Variants in OSBPL1A observed in about 807,000 individuals in gnomAD.
OSBPL1A encodes the protein oxysterol binding protein like 1A.
OSBPL1A carries 80 observed loss-of-function variants against 137.1 expected under a neutral mutation model. The ratio of observed to expected loss-of-function variants is 0.58; its 90% confidence interval spans 0.49 to 0.70. The LOEUF is 0.70. Ranked by LOEUF, OSBPL1A falls within the 30% of genes least tolerant of loss-of-function variation. OSBPL1A has a pLI of 0.00. For synonymous variants in OSBPL1A, 365 were observed against 389.7 expected (o/e 0.94, Z 0.75); for missense variants, 970 against 1,129.4 (o/e 0.86, Z 2.02).
rs568750196 is a variant in OSBPL1A, at chr18:24,315,900, ATATAT to A, written c.870+1244_870+1248del. Reference sequence around the variant, plus strand: ...TATAATAAAATATATTAAAGATATTATATATTATATAATATTATAATTATATAATA... The same window carrying A: ...TATAATAAAATATATTAAAGATATTATATATAATATTATAATTATATAATA... On this transcript the variant is annotated intron_variant, in intron 11 of 27. Transcript: ENST00000319481. Among the ~76,000 whole-genome samples, 71 of 133,816 alleles carry A rather than the reference ATATAT, an allele frequency of 5.3e-4. No homozygotes were observed. The South Asian group carries it at 9.1e-3, about 17-fold the overall frequency. 87.8% of individuals were successfully genotyped at this position (133,816 alleles called of 152,430 possible).
At chr18:24,370,748 G>A (rs1905558963) in intron 2 of OSBPL1A, among the ~76,000 whole-genome samples, 1 of 152,132 alleles carries the variant, frequency 6.6e-6, no homozygotes, top group Non-Finnish European at 1.5e-5. Context: ...TCTCACTGCA[G>A]CCTTTACCTC....
chr18:24,229,760 C>CT (rs752983270), intron 16 of OSBPL1A, among the ~76,000 whole-genome samples: 18 of 147,524 alleles, frequency 1.2e-4, no homozygotes, highest in Non-Finnish European at 1.8e-4. Flanking sequence ...TTTTTTTTGG[C>CT]TTTTTTTTGA....
intron 16 of OSBPL1A, among the ~76,000 whole-genome samples, chr18:24,233,294 G>A (rs1723449459): frequency 6.6e-6 from 1 of 151,970 alleles, no homozygotes. Flanking sequence ...CCCCTCCCTG[G>A]TAGCAGTATC....
intron 21 of OSBPL1A, among the ~76,000 whole-genome samples, chr18:24,172,927 T>C (rs778534319): frequency 9.2e-5 from 14 of 152,232 alleles, no homozygotes; most frequent in Non-Finnish European, 2.1e-4. Context: ...GAAATCATTC[T>C]ACCATAAAGA....
chr18:24,197,723 G>A (rs962957008), intron 17 of OSBPL1A, among the ~76,000 whole-genome samples: 1 of 150,076 alleles, frequency 6.7e-6, no homozygotes, highest in African/African-American at 2.5e-5. Flanking sequence ...TGCTTTGCAT[G>A]TATAATATAG....
At chr18:24,338,133 C>T (rs1025723967) in intron 5 of OSBPL1A, among the ~76,000 whole-genome samples, 12 of 150,042 alleles carry the variant, frequency 8.0e-5, no homozygotes, top group South Asian at 2.1e-4. Context: ...AGTGCAGTGG[C>T]GCAATCTCGG....
At chr18:24,166,732 AT>A (rs1460200670) in intron 25 of OSBPL1A, 30 bp from the exon 26 acceptor site, 1 of 1,600,912 alleles carries the variant, frequency 6.2e-7, no homozygotes. Context: ...AGAAATTAAA[AT>A]ATGCCAAGGC....
At chr18:24,294,313 C>A (rs2090250718) in intron 14 of OSBPL1A, among the ~76,000 whole-genome samples, 1 of 151,772 alleles carries the variant, frequency 6.6e-6, no homozygotes. Context: ...CTCACTGCAA[C>A]CTCCTCCTCC....
chr18:24,280,273 G>T (rs2089930890), intron 15 of OSBPL1A, among the ~76,000 whole-genome samples: 1 of 152,076 alleles, frequency 6.6e-6, no homozygotes, highest in African/African-American at 2.4e-5. Context: ...GTAGAGACGG[G>T]GTTTCAGCAT....
At chr18:24,214,800 C>T (rs1445855846) in intron 17 of OSBPL1A, among the ~76,000 whole-genome samples, 4 of 152,168 alleles carry the variant, frequency 2.6e-5, no homozygotes, top group Non-Finnish European at 5.9e-5. Context: ...AGACAAAAAA[C>T]GAAGCAGAGA....
At chr18:24,358,641 C>A in intron 4 of OSBPL1A, 1 of 646,000 alleles carries the variant, frequency 1.5e-6, no homozygotes, top group Non-Finnish European at 2.8e-6. Flanking sequence ...AAATGGTCTC[C>A]TAGGAAATCC....
chr18:24,165,244 C>A, intron 26 of OSBPL1A, 89 bp from the exon 27 acceptor site: 2 of 1,154,732 alleles, frequency 1.7e-6, no homozygotes, highest in South Asian at 1.3e-5. Context: ...ACAAAAGAAC[C>A]ATATCTACAT....
At chr18:24,261,398 GT>G (rs1460825983) in intron 15 of OSBPL1A, among the ~76,000 whole-genome samples, 1 of 152,110 alleles carries the variant, frequency 6.6e-6, no homozygotes, top group African/African-American at 2.4e-5. Context: ...GTTTAAATAC[GT>G]GGAGTTTATT....
chr18:24,211,068 T>G (rs962719115), intron 17 of OSBPL1A, among the ~76,000 whole-genome samples: 1 of 152,034 alleles, frequency 6.6e-6, no homozygotes, highest in Non-Finnish European at 1.5e-5. Context: ...CGGGTTCAAG[T>G]GATTCTCCTG....
intron 16 of OSBPL1A, among the ~76,000 whole-genome samples, chr18:24,236,858 G>A (rs2088495488): frequency 6.6e-6 from 1 of 152,270 alleles, no homozygotes; most frequent in South Asian, 2.1e-4. Context: ...TCCTCCCGGA[G>A]GAGACGACTA....
rs2086056082 is a variant in OSBPL1A, at chr18:24,163,029, C to T, written c.*150G>A. 5.3e-6 allele frequency: 3 copies of T among 564,146 alleles called. No individual in the cohort carries two copies. The highest frequency in any genetic ancestry group is 4.6e-5 in the South Asian group (2 of 43,534). 34.9% of individuals were successfully genotyped at this position (564,146 alleles called of 1,614,324 possible). On this transcript the variant is annotated 3_prime_UTR_variant, in exon 28 of 28. Transcript: ENST00000319481. Reference sequence around the variant, plus strand: ...TTTCATCACCAATATCGCCTTATACCCTGCTTTTGTTGGGTGAAATGCAGT... The same window carrying T: ...TTTCATCACCAATATCGCCTTATACTCTGCTTTTGTTGGGTGAAATGCAGT...
intron 15 of OSBPL1A, among the ~76,000 whole-genome samples, chr18:24,254,623 C>A (rs1023722873): frequency 1.2e-4 from 19 of 152,006 alleles, no homozygotes; most frequent in Admixed American, 1.2e-3. Flanking sequence ...TGAAAAATTT[C>A]TTGAAACAAA....
chr18:24,179,567 T>C (rs16940533), intron 20 of OSBPL1A, among the ~76,000 whole-genome samples, 171 bp downstream of exon 20: 5,367 of 152,326 alleles, frequency 0.035, 320 homozygotes, highest in African/African-American at 0.12. Flanking sequence ...ACCTTTTATA[T>C]ATGTTTCAGT....
At chr18:24,259,872 T>A (rs999524999) in intron 15 of OSBPL1A, among the ~76,000 whole-genome samples, 22 of 151,990 alleles carry the variant, frequency 1.4e-4, no homozygotes, top group African/African-American at 5.1e-4. Flanking sequence ...AGGAACACTA[T>A]CAACAAAGTA....
Sources: allele counts gnomAD v4.1 joint callset (sites outside exome capture counted in the v4.1 genomes callset), GRCh38; gene constraint gnomAD v4.1.1; transcripts MANE v1.5; gene names NCBI Gene and HGNC (gene_info 2026-07-23, HGNC 2026-07-21).